The following SLC24A3 variants were observed in gnomAD, a reference collection of about 807,000 sequenced individuals.
SLC24A3 encodes solute carrier family 24 member 3, also known as sodium/potassium/calcium exchanger 3.
A neutral mutation model predicts 75.8 loss-of-function variants in SLC24A3; 28 were observed. The observed-to-expected ratio is 0.37, with a 90% CI of 0.27 to 0.51. The LOEUF (loss-of-function observed/expected upper bound fraction) is 0.51, where lower values mean the gene tolerates loss of function less well. Among genes scored for constraint, SLC24A3 ranks in the 20% least tolerant of loss-of-function variants. The pLI is 0.94. For missense variants in SLC24A3, 663 were observed against 847.8 expected (o/e 0.78, Z 2.71); for synonymous variants, 372 against 334.1 (o/e 1.11, Z -1.24).
At chr20:19,251,523 A>G (rs1982653392) in intron 1 of SLC24A3, among the ~76,000 whole-genome samples, 1 of 152,184 alleles carries the variant, frequency 6.6e-6, no homozygotes. Flanking sequence ...GGGGAAAGGC[A>G]GATAAAGGTG....
At chr20:19,313,608 C>T (rs1984513641) in intron 2 of SLC24A3, among the ~76,000 whole-genome samples, 1 of 152,208 alleles carries the variant, frequency 6.6e-6, no homozygotes, top group Non-Finnish European at 1.5e-5. Context: ...CCTGCCACTG[C>T]TAGGTCTTTC....
chr20:19,536,034 C>T (rs1408933414), intron 3 of SLC24A3, among the ~76,000 whole-genome samples: 1 of 152,106 alleles, frequency 6.6e-6, no homozygotes, highest in Non-Finnish European at 1.5e-5. Flanking sequence ...TCTTAAAGGT[C>T]CCACCTCTTA....
At chr20:19,677,301 A>C (rs1245169312) in intron 9 of SLC24A3, among the ~76,000 whole-genome samples, 1 of 152,056 alleles carries the variant, frequency 6.6e-6, no homozygotes, top group Non-Finnish European at 1.5e-5. Context: ...TCCAAAAAAA[A>C]AAAAAAAAGC....
chr20:19,664,233 T>C (rs1257177841), intron 7 of SLC24A3, among the ~76,000 whole-genome samples: 1 of 152,224 alleles, frequency 6.6e-6, no homozygotes, highest in Non-Finnish European at 1.5e-5. Flanking sequence ...ACAATCTTTT[T>C]TCAAAAAAGA....
chr20:19,217,105 G>A (rs139823581), intron 1 of SLC24A3, among the ~76,000 whole-genome samples: 1 of 152,338 alleles, frequency 6.6e-6, no homozygotes, highest in African/African-American at 2.4e-5. Flanking sequence ...TCGCAAGGGC[G>A]GATATCCCAA....
At chr20:19,691,140 T>C (rs1464072056) in intron 12 of SLC24A3, among the ~76,000 whole-genome samples, 2 of 152,252 alleles carry the variant, frequency 1.3e-5, no homozygotes. Flanking sequence ...ACAACCCTGA[T>C]GGTTTAAGAC....
chr20:19,590,214 C>T (rs1367006496), intron 6 of SLC24A3, among the ~76,000 whole-genome samples: 1 of 151,864 alleles, frequency 6.6e-6, no homozygotes, highest in Non-Finnish European at 1.5e-5. Context: ...CAATGTGCAG[C>T]TAGAAGTTTC....
At chr20:19,372,060 G>A (rs1986002187) in intron 2 of SLC24A3, among the ~76,000 whole-genome samples, 1 of 152,150 alleles carries the variant, frequency 6.6e-6, no homozygotes, top group Non-Finnish European at 1.5e-5. Context: ...GGATGTGTAG[G>A]ACAATTGCTT....
At position 19,668,568 on chromosome 20, in the gene SLC24A3, C is replaced by T. The variant is rs1161067570; in HGVS notation, c.713+2679C>T. Among the ~76,000 whole-genome samples, 6 of 152,230 alleles carry T rather than the reference C, an allele frequency of 3.9e-5. No homozygotes were observed. The East Asian group carries it at 1.2e-3, about 29-fold the overall frequency. ...AAACAAATTTCAATTGTGTTTATTT[C>T]GAAACTACAGTACTCTTTAAGAGGA... On this transcript the variant is annotated intron_variant, in intron 8 of 16. Transcript: ENST00000328041.
intron 8 of SLC24A3, among the ~76,000 whole-genome samples, chr20:19,669,450 CAAG>C (rs2032439264): frequency 1.3e-5 from 2 of 150,646 alleles, no homozygotes; most frequent in African/African-American, 2.4e-5. Context: ...TGCTGTGAGC[CAAG>C]ATTGTGCCAC....
chr20:19,721,306 C>T lies in SLC24A3; in HGVS notation c.*166C>T. The T allele has an allele frequency of 5.4e-6, 4 of 736,402 alleles. No homozygotes were observed. In the South Asian group the frequency reaches 8.3e-5, roughly 15 times the overall value. The allele number at this position is 736,402 out of a possible 1,614,324, so 45.6% of individuals were successfully genotyped here. On this transcript the variant is annotated 3_prime_UTR_variant, in exon 17 of 17. Coordinates refer to ENST00000328041, the MANE Select transcript of SLC24A3 (RefSeq NM_020689.4). The stretch of plus-strand genomic sequence containing the variant: ...GGCCCAGGCTCTCCCCTGACCCATC[C>T]TCGCTCCCCCACCTCCTTGGGTCAT...
intron 6 of SLC24A3, among the ~76,000 whole-genome samples, chr20:19,647,436 A>G (rs1418061894): frequency 6.6e-6 from 1 of 152,186 alleles, no homozygotes; most frequent in Non-Finnish European, 1.5e-5. Context: ...AGTACTGCCA[A>G]ATGCTGTGCC....
At chr20:19,353,528 A>G (rs16980375) in intron 2 of SLC24A3, among the ~76,000 whole-genome samples, 1 of 152,208 alleles carries the variant, frequency 6.6e-6, no homozygotes, top group African/African-American at 2.4e-5. Flanking sequence ...CTTATTGAGT[A>G]CCTTCAGTGT....
intron 2 of SLC24A3, among the ~76,000 whole-genome samples, chr20:19,489,918 T>C (rs138046976): frequency 1.6e-4 from 25 of 152,336 alleles, no homozygotes; most frequent in Non-Finnish European, 2.8e-4. Context: ...CCCCATTTTC[T>C]TTCTGAATCC....
In SLC24A3 at chr20:19,416,644, C is replaced by T. The variant is rs1320347256; in HGVS notation, c.272-98844C>T. 3.3e-5 allele frequency among the ~76,000 whole-genome samples: 5 copies of T among 152,224 alleles called. No homozygotes were observed. In the East Asian group the frequency reaches 9.7e-4, roughly 29 times the overall value. On this transcript the variant is annotated intron_variant, in intron 2 of 16. Coordinates refer to ENST00000328041, the MANE Select transcript of SLC24A3 (RefSeq NM_020689.4). The stretch of plus-strand genomic sequence containing the variant: ...AAATTGATATAGTACAAGAGAGATT[C>T]AAGGAAAAGATGGAATTTTAGCAGT...
Position 19,645,350 on chromosome 20 carries a change from A to G in SLC24A3, c.613-8712A>G, listed in dbSNP as rs143773664. Among the ~76,000 whole-genome samples, 7 of 152,348 alleles carry G rather than the reference A, an allele frequency of 4.6e-5. No individual in the cohort carries two copies. In the East Asian group the frequency reaches 1.3e-3, roughly 29 times the overall value. ...GAAGAGATGGCAACTGATTGTGTTC[A>G]GCATTGTTGATGCTAATTAATATAA... On this transcript the variant is annotated intron_variant, in intron 6 of 16. Transcript: ENST00000328041.
At chr20:19,482,657 G>A (rs1352843314) in intron 2 of SLC24A3, among the ~76,000 whole-genome samples, 1 of 152,230 alleles carries the variant, frequency 6.6e-6, no homozygotes, top group Admixed American at 6.5e-5. Flanking sequence ...AATGAATGGA[G>A]CAAGCCTGAG....
In SLC24A3 at chr20:19,231,272, T is replaced by C. The variant is rs113581843; in HGVS notation, c.142+18288T>C. Among the ~76,000 whole-genome samples, 1,369 of 152,324 alleles carry C rather than the reference T, an allele frequency of 9.0e-3. 20 individuals carry two copies. The highest frequency in any genetic ancestry group is 0.03 in the African/African-American group (1,250 of 41,576). On this transcript the variant is annotated intron_variant, in intron 1 of 16. Coordinates refer to ENST00000328041, the MANE Select transcript of SLC24A3 (RefSeq NM_020689.4). The stretch of plus-strand genomic sequence containing the variant: ...AGCTACCCCAGTGTGGTTTGCAGAA[T>C]AGTGCTCCCGAAGATGTTTACGTCC...
intron 3 of SLC24A3, among the ~76,000 whole-genome samples, chr20:19,550,388 A>T (rs1347281424): frequency 6.6e-6 from 1 of 152,234 alleles, no homozygotes; most frequent in South Asian, 2.1e-4. Context: ...TGTAGCCTAT[A>T]GAACTTAGCA....
Sources: allele counts gnomAD v4.1 joint callset (sites outside exome capture counted in the v4.1 genomes callset), GRCh38; gene constraint gnomAD v4.1.1; transcripts MANE v1.5; gene names NCBI Gene and HGNC (gene_info 2026-07-23, HGNC 2026-07-21).